Variants in CLSTN1 observed in about 807,000 individuals in gnomAD.
The protein encoded by CLSTN1 is calsyntenin-1.
In CLSTN1, 28 loss-of-function variants were observed where a neutral mutation model predicts 108.3. The observed-to-expected ratio is 0.26, with a 90% CI of 0.19 to 0.35. The LOEUF is 0.35. CLSTN1 is among the 10% of genes least tolerant of loss of function. The pLI is 1.00. For synonymous variants in CLSTN1, 524 were observed against 534.9 expected (o/e 0.98, Z 0.28); for missense variants, 1,157 against 1,302.6 (o/e 0.89, Z 1.72).
At chr1:9,751,410 TAA>T in intron 5 of CLSTN1, 61 bp downstream of exon 5, 1 of 1,517,814 alleles carries the variant, frequency 6.6e-7, no homozygotes, top group East Asian at 2.3e-5. Context: ...AGCTGGGGTG[TAA>T]AGTCAGTGGG....
chr1:9,735,728 T>C (rs1487497831), intron 12 of CLSTN1, 113 bp from the exon 13 acceptor site: 1 of 1,517,948 alleles, frequency 6.6e-7, no homozygotes, highest in Non-Finnish European at 8.9e-7. Flanking sequence ...AATTGCTGAC[T>C]TGAAAAAGAA....
In CLSTN1 at chr1:9,749,455, C is replaced by G; in HGVS notation, c.985+6G>C. 1 of 1,605,198 alleles carries G rather than the reference C, an allele frequency of 6.2e-7. No homozygotes were observed. Among genetic ancestry groups the G allele is most frequent in the Non-Finnish European group, 8.5e-7 (1 of 1,177,532 alleles). ...AGCCGGATGCAAGAACGCCTGGTCT[C>G]CTTACCACAGAGCCGGTGGAGGGAC... On this transcript the variant is annotated splice_donor_region_variant and intron_variant, in intron 7 of 18. Transcript: ENST00000377298.
chr1:9,773,691 G>C (rs1225486126), intron 1 of CLSTN1, among the ~76,000 whole-genome samples: 1 of 152,148 alleles, frequency 6.6e-6, no homozygotes, highest in Non-Finnish European at 1.5e-5. Context: ...GACTATCTCT[G>C]TTTTCAGCCT....
chr1:9,805,383 GCT>G (rs1034312231), intron 1 of CLSTN1, among the ~76,000 whole-genome samples: 2 of 152,084 alleles, frequency 1.3e-5, no homozygotes, highest in Non-Finnish European at 2.9e-5. Context: ...AATCCCCAAA[GCT>G]CTCTCTTTCC....
In CLSTN1 at chr1:9,730,581, C is replaced by T. The variant is rs1317951338; in HGVS notation, c.2873G>A (p.Gly958Glu). The T allele has an allele frequency of 6.2e-7, 1 of 1,609,194 alleles. No homozygotes were observed. Among genetic ancestry groups the T allele is most frequent in the Non-Finnish European group, 8.5e-7 (1 of 1,179,646 alleles). ...TGCGTTCTGGGGGTCGCCCTGCTCCCCCTCCTCCTCCTCGCTGCTCTCCGA... is the reference window on the plus strand; with the variant it reads ...TGCGTTCTGGGGGTCGCCCTGCTCCTCCTCCTCCTCCTCGCTGCTCTCCGA... ...AESESSEEEE[G>E]EQGDPQNATR... Residue 958 changes from glycine (G) to glutamate (E), a missense_variant, in exon 19 of 19, where the codon GGG (glycine) becomes GAG (glutamate). Gly to Glu is a moderately conservative substitution (Grantham distance 98). Transcript: ENST00000377298. The surrounding 1 kb of genome is among the most constrained non-coding windows in gnomAD (Gnocchi z 5.6).
At chr1:9,750,017 TACTC>T in intron 5 of CLSTN1, 104 bp from the exon 6 acceptor site, 1 of 906,366 alleles carries the variant, frequency 1.1e-6, no homozygotes, top group African/African-American at 1.7e-5. Context: ...GCCCTGTAAA[TACTC>T]AGCCAGAAAT....
intron 7 of CLSTN1, among the ~76,000 whole-genome samples, chr1:9,749,222 G>T (rs1254070249): frequency 6.6e-6 from 1 of 152,084 alleles, no homozygotes; most frequent in Non-Finnish European, 1.5e-5. Context: ...TTCTTAAAAT[G>T]CACATATACA....
intron 1 of CLSTN1, among the ~76,000 whole-genome samples, chr1:9,787,195 G>C (rs1191858481): frequency 2.0e-5 from 3 of 150,942 alleles, no homozygotes; most frequent in African/African-American, 7.3e-5. Flanking sequence ...AGGGGCTTCT[G>C]TTTCCCCCTT....
intron 1 of CLSTN1, among the ~76,000 whole-genome samples, chr1:9,813,910 T>C (rs1290985304): frequency 2.6e-5 from 4 of 151,448 alleles, no homozygotes; most frequent in South Asian, 4.2e-4. Flanking sequence ...CCATCCTGGC[T>C]AACACGATGA....
intron 1 of CLSTN1, among the ~76,000 whole-genome samples, chr1:9,786,153 C>A (rs1222209363): frequency 6.6e-6 from 1 of 152,066 alleles, no homozygotes; most frequent in African/African-American, 2.4e-5. Context: ...CACACCACTG[C>A]ACTCCAGACT....
At chr1:9,757,280 C>T (rs1371228200) in intron 2 of CLSTN1, among the ~76,000 whole-genome samples, 8 of 148,428 alleles carry the variant, frequency 5.4e-5, no homozygotes, top group Admixed American at 6.8e-5. Context: ...CTTGCTCAGT[C>T]GCCCAGACTG....
At chr1:9,810,042 G>GAGAGAGAGAA (rs1360773255) in intron 1 of CLSTN1, among the ~76,000 whole-genome samples, 1 of 133,798 alleles carries the variant, frequency 7.5e-6, no homozygotes, top group East Asian at 2.2e-4. Context: ...CTGAGAAAGA[G>GAGAGAGAGAA]AGAGAGAGAA....
chr1:9,784,663 ATTTGCAGATTCAACT>A (rs1481850036), intron 1 of CLSTN1, among the ~76,000 whole-genome samples: 1 of 152,228 alleles, frequency 6.6e-6, no homozygotes, highest in Non-Finnish European at 1.5e-5. Context: ...TACAGGTTTC[ATTTGCAGATTCAACT>A]TTTAAACCTT....
chr1:9,738,952 A>G (rs909228076), intron 10 of CLSTN1, among the ~76,000 whole-genome samples: 2 of 152,152 alleles, frequency 1.3e-5, no homozygotes, highest in Non-Finnish European at 2.9e-5. Flanking sequence ...GCGCACGGTC[A>G]TCTTTCATAA....
chr1:9,817,028 GTTC>G (rs1366636225), intron 1 of CLSTN1, among the ~76,000 whole-genome samples: 1 of 152,192 alleles, frequency 6.6e-6, no homozygotes, highest in East Asian at 1.9e-4. Context: ...CTCAACAGAA[GTTC>G]TTGTCATGGG....
At chr1:9,758,870 C>T (rs547894041) in intron 2 of CLSTN1, among the ~76,000 whole-genome samples, 79 of 152,248 alleles carry the variant, frequency 5.2e-4, no homozygotes, top group African/African-American at 1.8e-3. Flanking sequence ...ATGATTATTT[C>T]GGTCCCTGCT....
intron 1 of CLSTN1, among the ~76,000 whole-genome samples, chr1:9,775,974 CTCTTT>C (rs898112387): frequency 1.3e-4 from 20 of 151,440 alleles, no homozygotes; most frequent in Non-Finnish European, 2.7e-4. Context: ...GCTGCCTCCT[CTCTTT>C]TTTTTTTTTT....
At position 9,751,856 on chromosome 1, in the gene CLSTN1, C is replaced by T. The variant is rs189412386; in HGVS notation, c.441-175G>A. Among the ~76,000 whole-genome samples, 951 of 152,154 alleles carry T rather than the reference C, an allele frequency of 6.3e-3. 13 individuals are homozygous for T. The highest frequency in any genetic ancestry group is 0.021 in the African/African-American group (888 of 41,528). On this transcript the variant is annotated intron_variant, in intron 4 of 18. Transcript: ENST00000377298. ...CAAAAATTAAACAAGCTATTCACTG[C>T]TTTTCATTCAAGTGTGGAGATAACA...
At chr1:9,789,254 G>GCCGCCATA (rs1282725376) in intron 1 of CLSTN1, among the ~76,000 whole-genome samples, 2 of 151,270 alleles carry the variant, frequency 1.3e-5, no homozygotes, top group East Asian at 3.9e-4. Context: ...GTTTTGAGGA[G>GCCGCCATA]CCGCCATACC....
Sources: allele counts gnomAD v4.1 joint callset (sites outside exome capture counted in the v4.1 genomes callset), GRCh38; gene constraint gnomAD v4.1.1; non-coding constraint Gnocchi (gnomAD v3.1); transcripts MANE v1.5; gene names NCBI Gene and HGNC (gene_info 2026-07-23, HGNC 2026-07-21).